The following SETBP1 variants were observed in gnomAD, a reference collection of about 807,000 sequenced individuals.
SETBP1 encodes SET-binding protein.
A neutral mutation model predicts 101.0 loss-of-function variants in SETBP1; 9 were observed. That is an observed-to-expected ratio of 0.09 (90% CI 0.05 to 0.16). The LOEUF is 0.16. Among genes scored for constraint, SETBP1 ranks in the 10% least tolerant of loss-of-function variants. The pLI is 1.00. For synonymous variants in SETBP1, 818 were observed against 788.5 expected (o/e 1.04, Z -0.63); for missense variants, 1,858 against 2,033.8 (o/e 0.91, Z 1.66).
chr18:44,787,229 G>A (rs2071257580), intron 2 of SETBP1, among the ~76,000 whole-genome samples: 1 of 152,174 alleles, frequency 6.6e-6, no homozygotes, highest in African/African-American at 2.4e-5. Flanking sequence ...TGTTTATGGT[G>A]ATATAGCTTA....
In SETBP1 at chr18:45,028,573, G is replaced by A. The variant is rs188982818; in HGVS notation, c.4001-9912G>A. Among the ~76,000 whole-genome samples, 283 of 152,238 alleles carry A rather than the reference G, an allele frequency of 1.9e-3. 2 individuals carry two copies. Among genetic ancestry groups the A allele is most frequent in the Middle Eastern group, 6.8e-3 (2 of 294 alleles). ...ATGGTATTTCTAGTTCTAGATCCCCGAGGAATCGCCACACTGACTTCCACA... is the reference window on the plus strand; with the variant it reads ...ATGGTATTTCTAGTTCTAGATCCCCAAGGAATCGCCACACTGACTTCCACA... On this transcript the variant is annotated intron_variant, in intron 4 of 5. Transcript: ENST00000649279.
At chr18:44,774,421 G>A (rs1568136578) in intron 2 of SETBP1, among the ~76,000 whole-genome samples, 1 of 151,978 alleles carries the variant, frequency 6.6e-6, no homozygotes, top group Non-Finnish European at 1.5e-5. Context: ...GTGGGTGTAG[G>A]AGGCTTAGAT....
chr18:44,921,350 G>A (rs2070575500), intron 3 of SETBP1, among the ~76,000 whole-genome samples: 1 of 152,200 alleles, frequency 6.6e-6, no homozygotes, highest in Non-Finnish European at 1.5e-5. Context: ...TGGGTGTCAA[G>A]TGCTGAATTT....
chr18:45,060,542 A>T (rs1457125479), intron 5 of SETBP1, among the ~76,000 whole-genome samples: 1 of 152,234 alleles, frequency 6.6e-6, no homozygotes, highest in African/African-American at 2.4e-5. Flanking sequence ...CTTATTAAAA[A>T]AAAAATGACA....
intron 3 of SETBP1, among the ~76,000 whole-genome samples, chr18:44,872,388 A>G (rs1424723152): frequency 1.3e-5 from 2 of 151,996 alleles, no homozygotes; most frequent in East Asian, 1.9e-4. Context: ...AGACACACAC[A>G]TCTGTTTTTT....
intron 2 of SETBP1, among the ~76,000 whole-genome samples, chr18:44,834,465 C>T (rs1160342377): frequency 6.6e-6 from 1 of 152,004 alleles, no homozygotes; most frequent in Admixed American, 6.6e-5. Flanking sequence ...GAAAGGAGGG[C>T]TTCCTGAGTG....
At chr18:44,948,183 A>C (rs2071253257) in intron 3 of SETBP1, among the ~76,000 whole-genome samples, 1 of 152,222 alleles carries the variant, frequency 6.6e-6, no homozygotes, top group South Asian at 2.1e-4. Flanking sequence ...ATGAATTAAA[A>C]AATTAAATTG....
intron 3 of SETBP1, among the ~76,000 whole-genome samples, chr18:44,908,904 T>C (rs2070239865): frequency 6.6e-6 from 1 of 152,258 alleles, no homozygotes; most frequent in African/African-American, 2.4e-5. Context: ...TTTATCTCAT[T>C]TTATAAAATT....
chr18:44,702,549 C>T (rs922778003), intron 2 of SETBP1, among the ~76,000 whole-genome samples: 1 of 152,326 alleles, frequency 6.6e-6, no homozygotes, highest in East Asian at 1.9e-4. Context: ...TCTGGGTCAG[C>T]TAAGCCATAA....
At chr18:44,680,192 G>C (rs1318348883), upstream of SETBP1, 2 of 142,750 alleles carry the variant, frequency 1.4e-5, no homozygotes, top group Non-Finnish European at 3.1e-5. Flanking sequence ...GCCGGCCGGG[G>C]CGCCCGCCGC....
intron 4 of SETBP1, among the ~76,000 whole-genome samples, chr18:44,973,968 A>G (rs1409851752): frequency 1.3e-5 from 2 of 152,150 alleles, no homozygotes. Flanking sequence ...CCATTTTGTT[A>G]TTGTTCTTCT....
intron 2 of SETBP1, among the ~76,000 whole-genome samples, chr18:44,841,816 T>C (rs2072623245): frequency 6.6e-6 from 1 of 152,220 alleles, no homozygotes; most frequent in Non-Finnish European, 1.5e-5. Context: ...CTATTAGAGT[T>C]CTCTGAAGGA....
chr18:44,805,433 T>G (rs1417419263), intron 2 of SETBP1, among the ~76,000 whole-genome samples: 21 of 149,998 alleles, frequency 1.4e-4, no homozygotes, highest in African/African-American at 4.4e-4. Context: ...TGTGTGTGTG[T>G]GGGTGTGTTT....
intron 4 of SETBP1, among the ~76,000 whole-genome samples, chr18:44,954,329 T>TAAAAAA (rs5824565): frequency 4.2e-5 from 3 of 71,608 alleles, no homozygotes; most frequent in African/African-American, 1.1e-4. Context: ...TTGCAGAAGC[T>TAAAAAA]AAAAAAAAAA....
At chr18:45,054,044 A>G (rs1417570739) in intron 5 of SETBP1, among the ~76,000 whole-genome samples, 4 of 152,226 alleles carry the variant, frequency 2.6e-5, no homozygotes, top group Admixed American at 6.5e-5. Context: ...ATGTTGTCTC[A>G]TCAGTGTGTT....
chr18:44,955,285 TC>T (rs2071458451), intron 4 of SETBP1, among the ~76,000 whole-genome samples: 1 of 152,194 alleles, frequency 6.6e-6, no homozygotes, highest in Non-Finnish European at 1.5e-5. Flanking sequence ...CTCATCCCTG[TC>T]CCATCTCATC....
chr18:44,897,925 A>G (rs529078127), intron 3 of SETBP1, among the ~76,000 whole-genome samples: 2 of 152,332 alleles, frequency 1.3e-5, no homozygotes, highest in East Asian at 3.9e-4. Flanking sequence ...TTACTGAAGT[A>G]TTGAGACTTC....
intron 4 of SETBP1, among the ~76,000 whole-genome samples, chr18:44,962,916 T>C (rs2071642424): frequency 1.3e-5 from 2 of 152,118 alleles, no homozygotes; most frequent in Non-Finnish European, 2.9e-5. Flanking sequence ...ATAAAAAGCT[T>C]TCCCTGAGGC....
In SETBP1 at chr18:45,039,505, C is replaced by G. The variant is rs151146033; in HGVS notation, c.4171+850C>G. Among the ~76,000 whole-genome samples, 1,154 of 152,320 alleles carry G rather than the reference C, an allele frequency of 7.6e-3. 18 individuals carry two copies. Among genetic ancestry groups the G allele is most frequent in the African/African-American group, 0.026 (1,091 of 41,568 alleles). On this transcript the variant is annotated intron_variant, in intron 5 of 5. Transcript: ENST00000649279. ...CCTCCAGGACATCCAGAATCTCTAC[C>G]GTGCAGTTCCCCTCATTTCGTAGAC...
Sources: allele counts gnomAD v4.1 joint callset (sites outside exome capture counted in the v4.1 genomes callset), GRCh38; gene constraint gnomAD v4.1.1; transcripts MANE v1.5; gene names NCBI Gene and HGNC (gene_info 2026-07-23, HGNC 2026-07-21).